Variants in JARID2 observed in about 807,000 individuals in gnomAD.
JARID2 encodes protein Jumonji.
JARID2 carries 21 observed loss-of-function variants against 125.6 expected under a neutral mutation model. The ratio of observed to expected loss-of-function variants is 0.17; its 90% CI spans 0.12 to 0.24. The LOEUF is 0.24. Among genes scored for constraint, JARID2 ranks in the 10% least tolerant of loss-of-function variants. JARID2 has a pLI of 1.00. For missense variants in JARID2, 1,303 were observed against 1,639.6 expected, an observed-to-expected ratio of 0.79 and a Z score of 3.55; for synonymous variants, 736 against 661.6, an observed-to-expected ratio of 1.11 and a Z score of -1.73.
chr6:15,300,722 T>TGTGTGAGAGA (rs1246745065), intron 1 of JARID2, among the ~76,000 whole-genome samples: 12 of 111,118 alleles, frequency 1.1e-4, no homozygotes, highest in African/African-American at 3.0e-4. Flanking sequence ...TGTGTGTGTG[T>TGTGTGAGAGA]GAGAGAGAGA....
At chr6:15,467,526 CTT>C (rs34064637) in intron 4 of JARID2, among the ~76,000 whole-genome samples, 20 of 134,992 alleles carry the variant, frequency 1.5e-4, no homozygotes, top group East Asian at 4.3e-4. Context: ...CTATATTGTG[CTT>C]TTTTTTTTTT....
intron 3 of JARID2, among the ~76,000 whole-genome samples, chr6:15,423,718 A>G (rs938697494): frequency 6.6e-6 from 1 of 152,024 alleles, no homozygotes; most frequent in Non-Finnish European, 1.5e-5. Flanking sequence ...TTGGTATGGG[A>G]TATCTGTTTG....
intron 1 of JARID2, among the ~76,000 whole-genome samples, chr6:15,355,680 C>T (rs1345551188): frequency 2.6e-5 from 4 of 151,952 alleles, no homozygotes; most frequent in African/African-American, 7.3e-5. Flanking sequence ...GCTGTGATCC[C>T]GGCTCACTGC....
chr6:15,423,344 G>A (rs917408684), intron 3 of JARID2, among the ~76,000 whole-genome samples: 5 of 152,096 alleles, frequency 3.3e-5, no homozygotes, highest in African/African-American at 1.2e-4. Context: ...GGTCCAGCTC[G>A]TTTTTTGAGG....
At chr6:15,454,293 TG>T (rs1181250801) in intron 4 of JARID2, among the ~76,000 whole-genome samples, 1 of 152,150 alleles carries the variant, frequency 6.6e-6, no homozygotes, top group South Asian at 2.1e-4. Context: ...ACTGAATTGT[TG>T]GGGGGGAAAT....
intron 1 of JARID2, among the ~76,000 whole-genome samples, chr6:15,283,379 G>T (rs1174223281): frequency 3.0e-5 from 4 of 135,092 alleles, no homozygotes; most frequent in African/African-American, 2.8e-5. Flanking sequence ...CTCACTCTGT[G>T]GCTCAGGCTG....
chr6:15,258,431 C>T (rs936932300), intron 1 of JARID2, among the ~76,000 whole-genome samples: 1 of 152,130 alleles, frequency 6.6e-6, no homozygotes, highest in African/African-American at 2.4e-5. Flanking sequence ...TCATTATTGG[C>T]CTCTCAAGGT....
chr6:15,269,240 C>G (rs1159609817), intron 1 of JARID2, among the ~76,000 whole-genome samples: 2 of 152,166 alleles, frequency 1.3e-5, no homozygotes, highest in African/African-American at 4.8e-5. Flanking sequence ...CACCCTTAGT[C>G]CCTAGACCAG....
At chr6:15,447,894 A>G (rs1167541239) in intron 3 of JARID2, among the ~76,000 whole-genome samples, 1 of 152,190 alleles carries the variant, frequency 6.6e-6, no homozygotes, top group African/African-American at 2.4e-5. Flanking sequence ...CAGCACATCC[A>G]AATCACTTTC....
In JARID2 at chr6:15,289,925, C is replaced by G. The variant is rs143401095; in HGVS notation, c.45+43341C>G. Among the ~76,000 whole-genome samples, 18 of 152,274 alleles carry G rather than the reference C, an allele frequency of 1.2e-4. No individual in the cohort carries two copies. The East Asian group carries it at 3.5e-3, about 29-fold the overall frequency. On this transcript the variant is annotated intron_variant, in intron 1 of 17. Coordinates refer to ENST00000341776, the MANE Select transcript of JARID2 (RefSeq NM_004973.4). ...GCACTTGGCAAAATTGTGGAATGTA[C>G]AAGTCACTAAACCACTTGTCTTCAT...
intron 4 of JARID2, among the ~76,000 whole-genome samples, chr6:15,454,534 G>C (rs1453153716): frequency 1.3e-5 from 2 of 152,152 alleles, no homozygotes; most frequent in African/African-American, 4.8e-5. Context: ...CTGGAGTGCA[G>C]TGGCACAGTC....
In JARID2 at chr6:15,374,229, C is replaced by T. The variant is rs775332999; in HGVS notation, c.158C>T (p.Ala53Val). 4 of 1,613,956 alleles carry T rather than the reference C, an allele frequency of 2.5e-6. No individual in the cohort carries two copies. In the East Asian group the frequency reaches 8.9e-5, roughly 36 times the overall value. Residue 53 changes from alanine to valine, a missense_variant, in exon 2 of 18, where the codon GCT becomes GTT. Ala to Val is a moderately conservative substitution (Grantham distance 64). Around this residue, in one of 11 missense-constraint regions of JARID2, gnomAD observed 93 missense variants for 120.4 expected, o/e 0.77. Coordinates refer to ENST00000341776, the MANE Select transcript of JARID2 (RefSeq NM_004973.4). ...AAGAGGCAGCATGCGGAAGGCATTG[C>T]TGGGAGCCTGAAAACTGTGAATGGT... ...SQKRQHAEGI[A>V]GSLKTVNGLL...
At chr6:15,302,981 C>T in intron 1 of JARID2, among the ~76,000 whole-genome samples, 1 of 152,150 alleles carries the variant, frequency 6.6e-6, no homozygotes, top group East Asian at 1.9e-4. Context: ...ACCTCGGCCT[C>T]CCAAAGTGCT....
intron 3 of JARID2, among the ~76,000 whole-genome samples, chr6:15,417,805 T>TG (rs1288524621): frequency 6.6e-6 from 1 of 152,202 alleles, no homozygotes; most frequent in Non-Finnish European, 1.5e-5. Context: ...GTACTCTGTA[T>TG]GTTAGATGTT....
chr6:15,332,727 G>A (rs1762747965), intron 1 of JARID2, among the ~76,000 whole-genome samples: 2 of 152,022 alleles, frequency 1.3e-5, no homozygotes, highest in African/African-American at 4.8e-5. Flanking sequence ...TCTAGATCCT[G>A]CAGAGCTGGA....
rs533568923 is a variant in JARID2, at chr6:15,344,102, T to C, written c.46-30015T>C. 1.4e-4 allele frequency among the ~76,000 whole-genome samples: 16 copies of C among 117,204 alleles called. No individual in the cohort carries two copies. In the East Asian group the frequency reaches 3.9e-3, roughly 28 times the overall value. 76.9% of individuals were successfully genotyped at this position (117,204 alleles called of 152,430 possible). A position where few individuals can be genotyped will look rare whatever the true frequency, so the allele number is the denominator to read the frequency against. On this transcript the variant is annotated intron_variant, in intron 1 of 17. Coordinates refer to ENST00000341776, the MANE Select transcript of JARID2 (RefSeq NM_004973.4). ...ATCTGTTTTACTTGGGAGTATGTAG[T>C]GATTTTTTTTTTTTTTTTTTTTTTT...
chr6:15,326,639 C>G (rs757151705), intron 1 of JARID2, among the ~76,000 whole-genome samples: 44 of 152,298 alleles, frequency 2.9e-4, no homozygotes, highest in African/African-American at 9.9e-4. Flanking sequence ...GTAGCTGGGA[C>G]TACAGGTATG....
rs747203266 is a variant in JARID2 at position 15,504,609 on chromosome 6, C to T, written c.2541+17C>T. 5.2e-6 allele frequency: 8 copies of T among 1,531,588 alleles called. No homozygotes were observed. In the East Asian group the frequency reaches 1.1e-4, roughly 22 times the overall value. 94.9% of individuals were successfully genotyped at this position (1,531,588 alleles called of 1,614,324 possible). ...GAAATCGAGGTGAGAGAAGGGGCCC[C>T]TCACGCTGCCTCTCATGGTGTGGGA... On this transcript the variant is annotated intron_variant, in intron 9 of 17. Transcript: ENST00000341776.
At chr6:15,464,450 C>G (rs776282886) in intron 4 of JARID2, among the ~76,000 whole-genome samples, 5 of 152,146 alleles carry the variant, frequency 3.3e-5, no homozygotes, top group Non-Finnish European at 7.3e-5. Context: ...AGGGGAGATG[C>G]CAGTTGTTCA....
Sources: allele counts gnomAD v4.1 joint callset (sites outside exome capture counted in the v4.1 genomes callset), GRCh38; gene constraint gnomAD v4.1.1; regional missense constraint gnomAD v4.1.1; transcripts MANE v1.5; gene names NCBI Gene and HGNC (gene_info 2026-07-23, HGNC 2026-07-21).